The following STARD13 variants were observed in gnomAD, a reference collection of about 807,000 sequenced individuals.
STARD13 encodes the protein StAR related lipid transfer domain containing 13, also known as stAR-related lipid transfer protein 13.
STARD13 carries 62 observed loss-of-function variants against 106.4 expected under a neutral mutation model. That is an observed-to-expected ratio of 0.58 (90% CI 0.48 to 0.72). STARD13 has a LOEUF of 0.72. STARD13 is among the 30% of genes least tolerant of loss of function. The pLI, the probability that STARD13 is intolerant of heterozygous loss-of-function variation, is 0.00. For synonymous variants in STARD13, 565 were observed against 553.0 expected, an observed-to-expected ratio of 1.02 and a Z score of -0.31; for missense variants, 1,387 against 1,424.0, an observed-to-expected ratio of 0.97 and a Z score of 0.42.
At chr13:33,584,045 A>G in the STARD13 span, among the ~76,000 whole-genome samples, 1 of 152,062 alleles carries the variant, frequency 6.6e-6, no homozygotes, top group Non-Finnish European at 1.5e-5. Flanking sequence ...CTGCCATACT[A>G]TTTTCCACAG....
rs139153232 is a variant in STARD13 at position 33,252,442 on chromosome 13, C to T, written c.169+33028G>A. Among the ~76,000 whole-genome samples the T allele has an allele frequency of 2.4e-3, 368 of 152,324 alleles. 2 individuals are homozygous for T. The highest frequency in any genetic ancestry group is 8.5e-3 in the African/African-American group (353 of 41,562). On this transcript the variant is annotated intron_variant, in intron 1 of 13. Coordinates refer to ENST00000336934, the MANE Select transcript of STARD13 (RefSeq NM_178006.4). The stretch of plus-strand genomic sequence containing the variant: ...CACAGTGAGTGACGGAGAAGATTTT[C>T]ACTCTATGGGCCATATTCAGGTCCC...
chr13:33,348,879 A>C, exon 2 of STARD13: 1 of 433,996 alleles, frequency 2.3e-6, no homozygotes, highest in Non-Finnish European at 4.3e-6. Flanking sequence ...TGTGGAATGA[A>C]CATTGTATGC....
intron 1 of STARD13, among the ~76,000 whole-genome samples, chr13:33,248,037 T>C (rs1889917618): frequency 6.6e-6 from 1 of 152,230 alleles, no homozygotes; most frequent in African/African-American, 2.4e-5. Context: ...TTTGAATAAA[T>C]GGGCATATAA....
chr13:33,499,519 T>TTCTTTCTTTCTTTC, the STARD13 span, among the ~76,000 whole-genome samples: 12 of 91,976 alleles, frequency 1.3e-4, no homozygotes, highest in Middle Eastern at 5.3e-3. Flanking sequence ...TTCTTCTTTC[T>TTCTTTCTTTCTTTC]TTCTTCTTCT....
chr13:33,157,047 A>G (rs945116096), intron 3 of STARD13, among the ~76,000 whole-genome samples: 3 of 152,174 alleles, frequency 2.0e-5, no homozygotes, highest in Non-Finnish European at 4.4e-5. Context: ...TAAAATATCA[A>G]TATTCATAAA....
chr13:33,505,918 T>C, the STARD13 span, among the ~76,000 whole-genome samples: 1 of 152,180 alleles, frequency 6.6e-6, no homozygotes, highest in African/African-American at 2.4e-5. Context: ...AATTATTTTC[T>C]TTATACTACT....
At chr13:33,412,587 C>T in the STARD13 span, among the ~76,000 whole-genome samples, 1 of 151,816 alleles carries the variant, frequency 6.6e-6, no homozygotes, top group Non-Finnish European at 1.5e-5. Flanking sequence ...GAAGATACTT[C>T]AAATATAACG....
intron 1 of STARD13, among the ~76,000 whole-genome samples, chr13:33,249,634 G>A (rs1465779856): frequency 6.6e-6 from 1 of 152,144 alleles, no homozygotes; most frequent in Non-Finnish European, 1.5e-5. Context: ...CTCAGAGAGT[G>A]TTAAATAACC....
chr13:33,375,833 C>A, the STARD13 span, among the ~76,000 whole-genome samples: 1 of 152,068 alleles, frequency 6.6e-6, no homozygotes, highest in Non-Finnish European at 1.5e-5. Context: ...ACACAGCCAA[C>A]CATATCAGCC....
the STARD13 span, among the ~76,000 whole-genome samples, chr13:33,547,776 A>G: frequency 3.9e-5 from 6 of 152,336 alleles, no homozygotes; most frequent in East Asian, 1.2e-3. Context: ...AGGTAATTGA[A>G]TAATAAAACT....
chr13:33,600,628 G>A, the STARD13 span, among the ~76,000 whole-genome samples: 18 of 152,024 alleles, frequency 1.2e-4, no homozygotes, highest in African/African-American at 4.1e-4. Context: ...ATTTCTGCAG[G>A]TTTAATTTTT....
At chr13:33,484,987 T>G in the STARD13 span, among the ~76,000 whole-genome samples, 1 of 152,208 alleles carries the variant, frequency 6.6e-6, no homozygotes, top group East Asian at 1.9e-4. Flanking sequence ...CAGCTAATAT[T>G]TGAAACAACT....
At chr13:33,289,919 A>T (rs1052912049), upstream of STARD13, among the ~76,000 whole-genome samples, 1 of 130,358 alleles carries the variant, frequency 7.7e-6, no homozygotes, top group African/African-American at 2.9e-5. Context: ...AGGGTAGTTT[A>T]TTCTCTGCAT....
chr13:33,534,130 G>C, the STARD13 span, among the ~76,000 whole-genome samples: 2 of 152,176 alleles, frequency 1.3e-5, no homozygotes, highest in African/African-American at 4.8e-5. Context: ...TAGCAACCCT[G>C]AAATCACTCT....
chr13:33,620,433 C>T, the STARD13 span, among the ~76,000 whole-genome samples: 1,649 of 152,060 alleles, frequency 0.011, 32 homozygotes, highest in African/African-American at 0.037. Flanking sequence ...CAGGTGCCCG[C>T]CACCACACCT....
chr13:33,594,682 C>T, the STARD13 span, among the ~76,000 whole-genome samples: 2 of 152,274 alleles, frequency 1.3e-5, no homozygotes, highest in African/African-American at 4.8e-5. Flanking sequence ...TCATTCCTGC[C>T]TCTCCCCAGC....
rs553185607 is a variant in STARD13, at chr13:33,172,390, G to A, written c.170-4768C>T. ...TAGGACCTCACCAGTGTAGACTGAC[G>A]GTGGAGAAGGCTGGAAGTCTATGGG... is the stretch of plus-strand genomic sequence containing the variant. On this transcript the variant is annotated intron_variant, in intron 1 of 13. Transcript: ENST00000336934. Among the ~76,000 whole-genome samples the A allele has an allele frequency of 8.5e-5, 13 of 152,276 alleles. 1 individual carries two copies. In the South Asian group the frequency reaches 1.7e-3, roughly 19 times the overall value.
the STARD13 span, among the ~76,000 whole-genome samples, chr13:33,401,871 A>T: frequency 2.0e-5 from 3 of 152,210 alleles, no homozygotes; most frequent in Admixed American, 6.5e-5. Flanking sequence ...TTGTGGGTTT[A>T]AGGCCATTTG....
At chr13:33,112,966 C>T in intron 8 of STARD13, 35 bp from the exon 9 acceptor site, 2 of 1,547,704 alleles carry the variant, frequency 1.3e-6, no homozygotes, top group Non-Finnish European at 1.8e-6. Context: ...ATTGGAGGAG[C>T]AGACATAGAA....
Sources: gnomAD v4.1 joint callset for allele counts (sites outside exome capture counted in the v4.1 genomes callset) on GRCh38, gnomAD v4.1.1 for gene constraint, MANE v1.5 for transcripts, NCBI Gene and HGNC (gene_info 2026-07-23, HGNC 2026-07-21) for gene names.